Variants in ST8SIA1 observed in about 807,000 individuals in gnomAD.
The protein encoded by ST8SIA1 is ST8 alpha-N-acetyl-neuraminide alpha-2,8-sialyltransferase 1, also known as alpha-N-acetylneuraminide alpha-2,8-sialyltransferase.
Under a neutral mutation model 35.9 loss-of-function variants are expected in ST8SIA1, and 16 were observed. That is an observed-to-expected ratio of 0.45 (90% CI 0.30 to 0.68). The LOEUF (loss-of-function observed/expected upper bound fraction) is 0.68. Among genes scored for constraint, ST8SIA1 ranks in the 30% least tolerant of loss-of-function variants. The pLI, the probability that ST8SIA1 is intolerant of heterozygous loss-of-function variation, is 0.09. For synonymous variants in ST8SIA1, 170 were observed against 169.6 expected (o/e 1.00, Z -0.02); for missense variants, 383 against 453.6 (o/e 0.84, Z 1.41).
chr12:22,314,835 C>G (rs1026874775), intron 1 of ST8SIA1, among the ~76,000 whole-genome samples: 2 of 152,120 alleles, frequency 1.3e-5, no homozygotes, highest in Admixed American at 1.3e-4. Flanking sequence ...TACCATGTTA[C>G]TTACATACTC....
chr12:22,310,827 T>C (rs759197727), intron 1 of ST8SIA1, among the ~76,000 whole-genome samples: 2 of 152,002 alleles, frequency 1.3e-5, no homozygotes, highest in Non-Finnish European at 2.9e-5. Flanking sequence ...CCAAAATGAA[T>C]TGACTAAAGA....
chr12:22,230,307 T>A (rs1257213885), intron 4 of ST8SIA1, among the ~76,000 whole-genome samples: 1 of 152,196 alleles, frequency 6.6e-6, no homozygotes, highest in Non-Finnish European at 1.5e-5. Context: ...GGCAACCTTC[T>A]AAGAGCCTCT....
intron 4 of ST8SIA1, among the ~76,000 whole-genome samples, chr12:22,211,607 A>AGTC (rs1488091219): frequency 2.6e-5 from 4 of 152,242 alleles, no homozygotes; most frequent in Admixed American, 2.6e-4. Flanking sequence ...TAGAAGGTGA[A>AGTC]TATATGTATG....
intron 1 of ST8SIA1, among the ~76,000 whole-genome samples, chr12:22,315,173 T>C (rs954069969): frequency 1.3e-5 from 2 of 152,004 alleles, no homozygotes; most frequent in African/African-American, 4.8e-5. Flanking sequence ...GAAGCTGTCC[T>C]CATAGTAGAA....
At chr12:22,297,049 T>C (rs1392987212) in intron 1 of ST8SIA1, among the ~76,000 whole-genome samples, 1 of 152,120 alleles carries the variant, frequency 6.6e-6, no homozygotes, top group Non-Finnish European at 1.5e-5. Flanking sequence ...TGCTCCTGAA[T>C]AGCACTGGGG....
At chr12:22,233,883 G>T (rs1350070356) in intron 4 of ST8SIA1, among the ~76,000 whole-genome samples, 1 of 151,952 alleles carries the variant, frequency 6.6e-6, no homozygotes, top group Non-Finnish European at 1.5e-5. Context: ...AATATTCCCT[G>T]TTTTATTTTC....
chr12:22,211,720 T>C (rs1042846612), intron 4 of ST8SIA1, among the ~76,000 whole-genome samples: 1 of 152,216 alleles, frequency 6.6e-6, no homozygotes, highest in African/African-American at 2.4e-5. Context: ...CTATTTTCTT[T>C]TTTTTGAGAT....
chr12:22,331,331 T>C (rs917313337), intron 1 of ST8SIA1, among the ~76,000 whole-genome samples: 11 of 152,232 alleles, frequency 7.2e-5, no homozygotes, highest in Non-Finnish European at 1.5e-4. Flanking sequence ...CCCCAGGGCC[T>C]AACACATATC....
At chr12:22,242,031 T>G (rs191041723) in intron 4 of ST8SIA1, among the ~76,000 whole-genome samples, 164 of 152,284 alleles carry the variant, frequency 1.1e-3, no homozygotes, top group Admixed American at 3.4e-3. Context: ...TCATGCCTCC[T>G]ATTATCCCAA....
intron 2 of ST8SIA1, among the ~76,000 whole-genome samples, chr12:22,285,773 G>A (rs1339497076): frequency 6.6e-6 from 1 of 151,114 alleles, no homozygotes; most frequent in African/African-American, 2.4e-5. Flanking sequence ...AGGAGGCTGA[G>A]GCAGGAGAAC....
intron 2 of ST8SIA1, among the ~76,000 whole-genome samples, chr12:22,265,751 C>T (rs1865840142): frequency 6.6e-6 from 1 of 152,100 alleles, no homozygotes; most frequent in Non-Finnish European, 1.5e-5. Context: ...TGTTCTTCTC[C>T]TCTTTCCACT....
At chr12:22,288,021 G>A (rs1422316367) in intron 1 of ST8SIA1, among the ~76,000 whole-genome samples, 1 of 152,136 alleles carries the variant, frequency 6.6e-6, no homozygotes, top group Non-Finnish European at 1.5e-5. Context: ...TGAAGCACCA[G>A]CATCACTGGG....
At chr12:22,209,546 T>G (rs1236572143) in intron 4 of ST8SIA1, among the ~76,000 whole-genome samples, 7 of 152,206 alleles carry the variant, frequency 4.6e-5, no homozygotes, top group Non-Finnish European at 1.0e-4. Context: ...AATGGGAGTA[T>G]GAATTGCCAC....
At chr12:22,249,309 G>C (rs529813882) in intron 3 of ST8SIA1, among the ~76,000 whole-genome samples, 1 of 148,464 alleles carries the variant, frequency 6.7e-6, no homozygotes, top group Non-Finnish European at 1.5e-5. Flanking sequence ...AGCTCCACCT[G>C]CCGGGTTCAC....
At chr12:22,289,341 G>T (rs12827101) in intron 1 of ST8SIA1, among the ~76,000 whole-genome samples, 1 of 152,058 alleles carries the variant, frequency 6.6e-6, no homozygotes, top group Non-Finnish European at 1.5e-5. Context: ...TGAGGAAACA[G>T]GCTTAGAGCG....
chr12:22,249,085 G>C lies in ST8SIA1; in HGVS notation c.505C>G (p.Pro169Ala). 1 of 1,612,418 alleles carries C rather than the reference G, an allele frequency of 6.2e-7. No homozygotes were observed. Among genetic ancestry groups the C allele is most frequent in the Non-Finnish European group, 8.5e-7 (1 of 1,178,668 alleles). ...TCCTTAGTGTATTCACTTGACAAAG[G>C]AGGGAGATTGCATCTAGAGAAACAA... ...ANFVMRCNLPPLSSEYTKDVG... is the reference protein window; with the variant it reads ...ANFVMRCNLPALSSEYTKDVG... The change falls in exon 4 of 5, where the codon CCT (proline) becomes GCT (alanine). Residue 169 changes from proline (P) to alanine (A), a missense_variant. Coordinates refer to ENST00000396037, the MANE Select transcript of ST8SIA1 (RefSeq NM_003034.4).
At chr12:22,327,307 C>A (rs1009126638) in intron 1 of ST8SIA1, among the ~76,000 whole-genome samples, 2 of 152,220 alleles carry the variant, frequency 1.3e-5, no homozygotes, top group African/African-American at 4.8e-5. Flanking sequence ...TCTGGGGACA[C>A]AGGGCAAGCC....
chr12:22,284,530 T>C (rs1462111457), intron 2 of ST8SIA1, among the ~76,000 whole-genome samples: 1 of 152,208 alleles, frequency 6.6e-6, no homozygotes, highest in Non-Finnish European at 1.5e-5. Context: ...TTTTTTCCAG[T>C]GATGCAAACT....
In ST8SIA1 at chr12:22,202,003, A is replaced by G; in HGVS notation, c.620T>C (p.Val207Ala). ...QNLLWSRKTFVDNMKIYNHSY... is the reference protein window; with the variant it reads ...QNLLWSRKTFADNMKIYNHSY... Reference sequence around the variant, plus strand: ...GTGGTTATAAATTTTCATGTTGTCCACAAATGTCTTTCTGGACCACAGAAG... The same window carrying G: ...GTGGTTATAAATTTTCATGTTGTCCGCAAATGTCTTTCTGGACCACAGAAG... The change falls in exon 5 of 5, where the codon GTG (valine) becomes GCG (alanine). Residue 207 changes from valine to alanine, a missense_variant. Transcript: ENST00000396037. The G allele has an allele frequency of 6.2e-7, 1 of 1,611,940 alleles. No individual in the cohort carries two copies. Among genetic ancestry groups the G allele is most frequent in the Non-Finnish European group, 8.5e-7 (1 of 1,179,396 alleles).
Sources: gnomAD v4.1 joint callset for allele counts (sites outside exome capture counted in the v4.1 genomes callset) on GRCh38, gnomAD v4.1.1 for gene constraint, MANE v1.5 for transcripts, NCBI Gene and HGNC (gene_info 2026-07-23, HGNC 2026-07-21) for gene names.